Variants in ABHD2 observed in about 807,000 individuals in gnomAD.
ABHD2 encodes the protein monoacylglycerol lipase ABHD2.
A neutral mutation model predicts 48.1 loss-of-function variants in ABHD2; 20 were observed. The observed-to-expected ratio is 0.42, with a 90% CI of 0.29 to 0.60. The LOEUF (loss-of-function observed/expected upper bound fraction) is 0.60, where lower values mean the gene tolerates loss of function less well. Among genes scored for constraint, ABHD2 ranks in the 20% least tolerant of loss-of-function variants. The pLI is 0.24. For synonymous variants in ABHD2, 209 were observed against 214.2 expected (o/e 0.98, Z 0.21); for missense variants, 405 against 550.9 (o/e 0.74, Z 2.65).
chr15:89,167,394 T>C lies in ABHD2; in HGVS notation c.539-8418T>C, dbSNP rs1033800509. On this transcript the variant is annotated intron_variant, in intron 5 of 10. Transcript: ENST00000352732. This position sits in a 1 kb window ranked among gnomAD's most constrained non-coding sequence, Gnocchi z 5.5. The stretch of plus-strand genomic sequence containing the variant: ...GAGAGAGAGAATGTGAAAGTGAAGG[T>C]AGTGAGTTTGCAGAACTCAGACATC... Among the ~76,000 whole-genome samples, 3 of 151,916 alleles carry C rather than the reference T, an allele frequency of 2.0e-5. No individual in the cohort carries two copies. The highest frequency in any genetic ancestry group is 7.3e-5 in the African/African-American group (3 of 41,340).
chr15:89,106,962 G>C lies in ABHD2; in HGVS notation c.-106-6763G>C, dbSNP rs1204663326. On this transcript the variant is annotated intron_variant, in intron 1 of 10. Transcript: ENST00000352732. The surrounding 1 kb of genome is among the most constrained non-coding windows in gnomAD (Gnocchi z 4.2). ...TGGGATGGAAACAGACCATGTTTTT[G>C]GGGTGGTGTGCTGTGGCCTTCTGCT... 6.6e-6 allele frequency among the ~76,000 whole-genome samples: 1 copy of C among 152,168 alleles called. No homozygotes were observed. Among genetic ancestry groups the C allele is most frequent in the African/African-American group, 2.4e-5 (1 of 41,436 alleles).
intron 6 of ABHD2, among the ~76,000 whole-genome samples, chr15:89,180,732 C>G (rs1004525044): frequency 6.6e-6 from 1 of 152,188 alleles, no homozygotes; most frequent in Non-Finnish European, 1.5e-5. Flanking sequence ...TGCCCTCTTC[C>G]TCTCTCTGCA....
the ABHD2 span, among the ~76,000 whole-genome samples, chr15:89,067,549 C>T: frequency 6.6e-6 from 1 of 152,130 alleles, no homozygotes; most frequent in Non-Finnish European, 1.5e-5. Flanking sequence ...GGCAGGTTTC[C>T]ACCCTTTGGC....
chr15:89,052,823 C>G, the ABHD2 span, among the ~76,000 whole-genome samples: 1 of 152,140 alleles, frequency 6.6e-6, no homozygotes, highest in Non-Finnish European at 1.5e-5. Flanking sequence ...CCTCATGGCG[C>G]CCCTTCCCTG....
the ABHD2 span, among the ~76,000 whole-genome samples, chr15:89,075,069 T>C: frequency 1.3e-5 from 2 of 152,194 alleles, no homozygotes; most frequent in Non-Finnish European, 2.9e-5. The surrounding 1 kb of genome is among the most constrained non-coding windows in gnomAD (Gnocchi z 4.1). Flanking sequence ...TCTCGGTAAT[T>C]CTTCTCTTTC....
chr15:89,165,737 G>A (rs555337808), intron 5 of ABHD2, among the ~76,000 whole-genome samples: 64 of 152,194 alleles, frequency 4.2e-4, no homozygotes, highest in Non-Finnish European at 7.5e-4. Flanking sequence ...ATTATAAAGA[G>A]CCTAATCTTT....
the ABHD2 span, among the ~76,000 whole-genome samples, chr15:89,078,604 C>A: frequency 6.6e-6 from 1 of 152,178 alleles, no homozygotes; most frequent in African/African-American, 2.4e-5. Context: ...CCCCAGGTGG[C>A]CTTCCTCACA....
the ABHD2 span, among the ~76,000 whole-genome samples, chr15:89,053,143 T>C: frequency 6.6e-6 from 1 of 152,044 alleles, no homozygotes; most frequent in East Asian, 1.9e-4. Context: ...ATTTTTTGTA[T>C]TTTTAGTAGA....
At chr15:89,085,442 C>A (rs933457693), upstream of ABHD2, among the ~76,000 whole-genome samples, 4 of 151,930 alleles carry the variant, frequency 2.6e-5, no homozygotes, top group African/African-American at 9.7e-5. This position sits in a 1 kb window ranked among gnomAD's most constrained non-coding sequence, Gnocchi z 4.2. Flanking sequence ...TATGGCAAGA[C>A]TGCAAGCAGA....
At chr15:89,068,396 A>T in the ABHD2 span, among the ~76,000 whole-genome samples, 2 of 152,252 alleles carry the variant, frequency 1.3e-5, no homozygotes, top group Non-Finnish European at 2.9e-5. Flanking sequence ...GGTGTCTGAG[A>T]CCTCAGCTGG....
chr15:89,131,044 T>C (rs1009793591), intron 3 of ABHD2, among the ~76,000 whole-genome samples: 2 of 152,152 alleles, frequency 1.3e-5, no homozygotes. Flanking sequence ...CGTCATCAGC[T>C]TTCACCTGGA....
chr15:89,156,809 T>C (rs1003357162), intron 5 of ABHD2, among the ~76,000 whole-genome samples: 1 of 152,222 alleles, frequency 6.6e-6, no homozygotes, highest in Non-Finnish European at 1.5e-5. Flanking sequence ...TTAGATTATA[T>C]ATGTATACAT....
chr15:89,159,657 ATGTT>A lies in ABHD2; in HGVS notation c.538+4126_538+4129del, dbSNP rs35323388. ...TTCACAGCTGCCTTAAGAGCACTGT[ATGTT>A]TGGACTGAGGAGCTGCCTGTGAGCA... On this transcript the variant is annotated intron_variant, in intron 5 of 10. Transcript: ENST00000352732. Among the ~76,000 whole-genome samples the A allele has an allele frequency of 5.8e-3, 888 of 152,310 alleles. 7 individuals carry two copies. The highest frequency in any genetic ancestry group is 0.01 in the Non-Finnish European group (703 of 68,028).
Position 89,179,217 on chromosome 15 carries a change from C to T in ABHD2, c.722+3222C>T, listed in dbSNP as rs1043627268. Among the ~76,000 whole-genome samples the T allele has an allele frequency of 6.6e-6, 1 of 152,178 alleles. No individual in the cohort carries two copies. Among genetic ancestry groups the T allele is most frequent in the Non-Finnish European group, 1.5e-5 (1 of 68,026 alleles). ...AGGGCCCAGGCCAGGGGCAGAAGCC[C>T]CTTACAGCAGGGGTCCCAACTGCTG... On this transcript the variant is annotated intron_variant, in intron 6 of 10. Transcript: ENST00000352732. This position sits in a 1 kb window ranked among gnomAD's most constrained non-coding sequence, Gnocchi z 4.3.
the ABHD2 span, among the ~76,000 whole-genome samples, chr15:89,076,809 A>G: frequency 1.3e-5 from 2 of 152,268 alleles, no homozygotes; most frequent in South Asian, 2.1e-4. Flanking sequence ...TTGGATGCTA[A>G]TAAGACCCAT....
chr15:89,146,860 A>G lies in ABHD2; in HGVS notation c.195-4817A>G, dbSNP rs1330157637. Reference sequence around the variant, plus strand: ...ATTGTAAAGGTGTCAATTATCTCCTAGGTAATATATATTTGTCGTGTTTCC... The same window carrying G: ...ATTGTAAAGGTGTCAATTATCTCCTGGGTAATATATATTTGTCGTGTTTCC... On this transcript the variant is annotated intron_variant, in intron 3 of 10. Coordinates refer to ENST00000352732, the MANE Select transcript of ABHD2 (RefSeq NM_152924.5). This position sits in a 1 kb window ranked among gnomAD's most constrained non-coding sequence, Gnocchi z 4.2. 6.6e-6 allele frequency among the ~76,000 whole-genome samples: 1 copy of G among 152,226 alleles called. No homozygotes were observed. Among genetic ancestry groups the G allele is most frequent in the Non-Finnish European group, 1.5e-5 (1 of 68,032 alleles).
rs1434926725 is a variant in ABHD2 at position 89,195,931 on chromosome 15, T to G, written c.*508T>G. Reference sequence around the variant, plus strand: ...AGGCTTCCCAGGCCAGAGTGTGGCTTCTTAAACGGCAAAGGAAATTCCTTT... The same window carrying G: ...AGGCTTCCCAGGCCAGAGTGTGGCTGCTTAAACGGCAAAGGAAATTCCTTT... On this transcript the variant is annotated 3_prime_UTR_variant, in exon 11 of 11. Transcript: ENST00000352732. The surrounding 1 kb of genome is among the most constrained non-coding windows in gnomAD (Gnocchi z 5.1). 1 of 152,672 alleles carries G rather than the reference T, an allele frequency of 6.5e-6. No homozygotes were observed. The highest frequency in any genetic ancestry group is 6.5e-5 in the Admixed American group (1 of 15,278). 9.5% of individuals were successfully genotyped at this position (152,672 alleles called of 1,614,324 possible). A position where few individuals can be genotyped will look rare whatever the true frequency, so the allele number is the denominator to read the frequency against.
chr15:89,151,939 C>T lies in ABHD2; in HGVS notation c.370+87C>T. On this transcript the variant is annotated intron_variant, in intron 4 of 10. Coordinates refer to ENST00000352732, the MANE Select transcript of ABHD2 (RefSeq NM_152924.5). This position sits in a 1 kb window ranked among gnomAD's most constrained non-coding sequence, Gnocchi z 4.7. Reference sequence around the variant, plus strand: ...GAGCACAGCAGTGTGAATACTTGTGCCACTGACTCTGCCCATGGCATCAGG... The same window carrying T: ...GAGCACAGCAGTGTGAATACTTGTGTCACTGACTCTGCCCATGGCATCAGG... 6.7e-7 allele frequency: 1 copy of T among 1,498,462 alleles called. No homozygotes were observed. The highest frequency in any genetic ancestry group is 1.3e-5 in the South Asian group (1 of 76,732). The allele number at this position is 1,498,462 out of a possible 1,614,324, so 92.8% of individuals were successfully genotyped here. A position where few individuals can be genotyped will look rare whatever the true frequency, so the allele number is the denominator to read the frequency against.
At chr15:89,105,558 C>T (rs1481284594) in intron 1 of ABHD2, among the ~76,000 whole-genome samples, 4 of 152,210 alleles carry the variant, frequency 2.6e-5, no homozygotes, top group Non-Finnish European at 5.9e-5. Context: ...GCAACCTTGC[C>T]GTAAATACAT....
Sources: allele counts gnomAD v4.1 joint callset (sites outside exome capture counted in the v4.1 genomes callset), GRCh38; gene constraint gnomAD v4.1.1; non-coding constraint Gnocchi (gnomAD v3.1); transcripts MANE v1.5; gene names NCBI Gene and HGNC (gene_info 2026-07-23, HGNC 2026-07-21).